Variants in TIMP3 observed in about 807,000 individuals in gnomAD.
TIMP3 encodes metalloproteinase inhibitor 3.
In TIMP3, 11 loss-of-function variants were observed where a neutral mutation model predicts 30.0. That is an observed-to-expected ratio of 0.37 (90% CI 0.23 to 0.61). The LOEUF (loss-of-function observed/expected upper bound fraction) is 0.61, where lower values mean the gene tolerates loss of function less well. TIMP3 is among the 20% of genes least tolerant of loss of function. The pLI is 0.70. For synonymous variants in TIMP3, 112 were observed against 111.3 expected (o/e 1.01, Z -0.04); for missense variants, 181 against 276.8 (o/e 0.65, Z 2.45).
intron 1 of TIMP3, 22 bp from the exon 2 acceptor site, chr22:32,849,430 T>C: frequency 6.2e-7 from 1 of 1,611,210 alleles, no homozygotes. Flanking sequence ...TAACCTCTTA[T>C]TGTCTCCTTC....
chr22:32,818,007 A>G (rs1010885301), intron 1 of TIMP3, among the ~76,000 whole-genome samples: 3 of 152,208 alleles, frequency 2.0e-5, no homozygotes, highest in Non-Finnish European at 4.4e-5. Flanking sequence ...TACAAATTTC[A>G]AGAGCTTCAG....
At chr22:32,859,055 C>T (rs547985045) in intron 4 of TIMP3, 125 bp from the exon 5 acceptor site, 88 of 848,402 alleles carry the variant, frequency 1.0e-4, no homozygotes, top group Admixed American at 2.4e-4. Context: ...ATTATGATCA[C>T]TGAGGGACTG....
At chr22:32,811,741 C>T (rs1231058794) in intron 1 of TIMP3, among the ~76,000 whole-genome samples, 5 of 152,224 alleles carry the variant, frequency 3.3e-5, no homozygotes, top group South Asian at 2.1e-4. Flanking sequence ...TTGAGAATGG[C>T]GGGGTTCTGT....
At position 32,801,817 on chromosome 22, in the gene TIMP3, C is replaced by T; in HGVS notation, c.-185C>T. 1.6e-6 allele frequency: 1 copy of T among 613,840 alleles called. No individual in the cohort carries two copies. The highest frequency in any genetic ancestry group is 2.2e-6 in the Non-Finnish European group (1 of 450,754). The allele number at this position is 613,840 out of a possible 1,614,324, so 38.0% of individuals were successfully genotyped here. ...CGCCCGCCGAGTCCTGCGCCAGCGC[C>T]GAGGCAGCCTCGCTGCGCCCCATCC... On this transcript the variant is annotated 5_prime_UTR_variant, in exon 1 of 5. Transcript: ENST00000266085. The surrounding 1 kb of genome is among the most constrained non-coding windows in gnomAD (Gnocchi z 4.7).
At chr22:32,835,712 C>G (rs999704438) in intron 1 of TIMP3, among the ~76,000 whole-genome samples, 1 of 152,166 alleles carries the variant, frequency 6.6e-6, no homozygotes, top group African/African-American at 2.4e-5. Context: ...GCTGAGCTCC[C>G]TGTCTTCAAA....
chr22:32,848,146 A>C (rs772929325), intron 1 of TIMP3, among the ~76,000 whole-genome samples: 1 of 152,264 alleles, frequency 6.6e-6, no homozygotes, highest in Non-Finnish European at 1.5e-5. Context: ...AGAGAAGCAC[A>C]ACCTTGTAGA....
intron 1 of TIMP3, among the ~76,000 whole-genome samples, chr22:32,825,964 TTTA>T (rs1195301229): frequency 6.6e-6 from 1 of 152,244 alleles, no homozygotes; most frequent in East Asian, 1.9e-4. Flanking sequence ...TATCCACAAG[TTTA>T]TAGTAGCATA....
chr22:32,815,796 C>T (rs983279838), intron 1 of TIMP3, among the ~76,000 whole-genome samples: 6 of 152,084 alleles, frequency 3.9e-5, no homozygotes, highest in South Asian at 2.1e-4. Context: ...AGATTTGAGC[C>T]GGACCTCCTG....
In TIMP3 at chr22:32,859,415, C is replaced by T. The variant is rs927122214; in HGVS notation, c.*38C>T. 8.2e-6 allele frequency: 13 copies of T among 1,588,326 alleles called. No homozygotes were observed. Among genetic ancestry groups the T allele is most frequent in the South Asian group, 2.2e-5 (2 of 89,252 alleles). ...GCCCCACCTCACTTCCCTCCCTTCC[C>T]GCTGAGCTTCCCTTGGACACTAACT... On this transcript the variant is annotated 3_prime_UTR_variant, in exon 5 of 5. Transcript: ENST00000266085.
chr22:32,817,747 G>A (rs1021355830), intron 1 of TIMP3, among the ~76,000 whole-genome samples: 7 of 152,182 alleles, frequency 4.6e-5, no homozygotes, highest in Admixed American at 1.3e-4. Flanking sequence ...TGTTTATACC[G>A]TTAAGGACAT....
At chr22:32,850,101 C>T (rs748021683) in intron 2 of TIMP3, among the ~76,000 whole-genome samples, 1 of 149,508 alleles carries the variant, frequency 6.7e-6, no homozygotes, top group African/African-American at 2.5e-5. Context: ...CTTCTTGCAT[C>T]CTAGATAGTT....
chr22:32,819,899 T>C lies in TIMP3; in HGVS notation c.121+17777T>C, dbSNP rs555321713. Among the ~76,000 whole-genome samples the C allele has an allele frequency of 3.2e-4, 49 of 152,348 alleles. 1 individual carries two copies. Among genetic ancestry groups the C allele is most frequent in the Middle Eastern group, 6.8e-3 (2 of 294 alleles). Reference sequence around the variant, plus strand: ...ACTGCCTGACTTCCTGTTCTGCGCATGGGCCCAAGGGAAGTTCTCGCAACC... The same window carrying C: ...ACTGCCTGACTTCCTGTTCTGCGCACGGGCCCAAGGGAAGTTCTCGCAACC... On this transcript the variant is annotated intron_variant, in intron 1 of 4. Transcript: ENST00000266085.
chr22:32,857,763 T>G (rs2146288099), intron 3 of TIMP3, among the ~76,000 whole-genome samples: 1 of 152,326 alleles, frequency 6.6e-6, no homozygotes, highest in East Asian at 1.9e-4. Context: ...TGGCCTCTAG[T>G]CCTAGCTCCA....
intron 1 of TIMP3, among the ~76,000 whole-genome samples, chr22:32,823,212 C>A (rs545607259): frequency 1.3e-5 from 2 of 152,178 alleles, no homozygotes; most frequent in East Asian, 3.8e-4. Flanking sequence ...CTTTCCTAGG[C>A]GCCACCTTCT....
Position 32,813,511 on chromosome 22 carries a change from AC to A in TIMP3, c.121+11390del, listed in dbSNP as rs1166645470. ...TACACACACACACACACACACACAC[AC>A]ACACACACACACACACACACACACG... On this transcript the variant is annotated intron_variant, in intron 1 of 4. Coordinates refer to ENST00000266085, the MANE Select transcript of TIMP3 (RefSeq NM_000362.5). Among the ~76,000 whole-genome samples the A allele has an allele frequency of 9.4e-3, 1,405 of 150,128 alleles. 25 individuals carry two copies. The highest frequency in any genetic ancestry group is 0.034 in the African/African-American group (1,351 of 39,804).
At chr22:32,846,163 T>C (rs1241997918) in intron 1 of TIMP3, among the ~76,000 whole-genome samples, 4 of 152,224 alleles carry the variant, frequency 2.6e-5, no homozygotes. Flanking sequence ...ATGACTGTGA[T>C]CTTGTTTGGC....
chr22:32,855,288 G>A (rs1295617134), intron 2 of TIMP3, among the ~76,000 whole-genome samples: 4 of 152,284 alleles, frequency 2.6e-5, no homozygotes, highest in African/African-American at 7.2e-5. Flanking sequence ...ATCACAAAGC[G>A]GACTCAGCTT....
chr22:32,840,666 T>G (rs1359095671), intron 1 of TIMP3, among the ~76,000 whole-genome samples: 1 of 151,880 alleles, frequency 6.6e-6, no homozygotes, highest in African/African-American at 2.4e-5. Flanking sequence ...CCAGATCAGA[T>G]CCAGACTTCT....
Position 32,862,824 on chromosome 22 carries a change from C to A in TIMP3, c.*3447C>A, listed in dbSNP as rs1002536429. On this transcript the variant is annotated 3_prime_UTR_variant, in exon 5 of 5. Coordinates refer to ENST00000266085, the MANE Select transcript of TIMP3 (RefSeq NM_000362.5). ...CTTTAGCCAGTCTGCTGTCCTGAAA[C>A]CCAGAAGTGATGGAGAGAAACCAAC... The A allele has an allele frequency of 3.3e-5, 5 of 152,594 alleles. No homozygotes were observed. Among genetic ancestry groups the A allele is most frequent in the African/African-American group, 1.2e-4 (5 of 41,428 alleles). The allele number at this position is 152,594 out of a possible 1,614,324, so 9.5% of individuals were successfully genotyped here.
Sources: gnomAD v4.1 joint callset for allele counts (sites outside exome capture counted in the v4.1 genomes callset) on GRCh38, gnomAD v4.1.1 for gene constraint, Gnocchi (gnomAD v3.1) non-coding constraint, MANE v1.5 for transcripts, NCBI Gene and HGNC (gene_info 2026-07-23, HGNC 2026-07-21) for gene names.